Variants in CRYBG1 observed in about 807,000 individuals in gnomAD.
The protein encoded by CRYBG1 is crystallin beta-gamma domain containing 1.
CRYBG1 carries 139 observed loss-of-function variants against 189.2 expected under a neutral mutation model. The ratio of observed to expected loss-of-function variants is 0.73; its 90% confidence interval spans 0.64 to 0.85. The LOEUF is 0.85. CRYBG1 is among the 40% of genes least tolerant of loss of function. The pLI, the probability that CRYBG1 is intolerant of heterozygous loss-of-function variation, is 0.00. For synonymous variants in CRYBG1, 1,023 were observed against 1,017.1 expected (o/e 1.01, Z -0.11); for missense variants, 2,611 against 2,675.8 (o/e 0.98, Z 0.53).
Position 106,512,188 on chromosome 6 carries a change from C to T in CRYBG1, c.1071C>T (p.Ser357=). The T allele has an allele frequency of 6.5e-7, 1 of 1,535,432 alleles. No individual in the cohort carries two copies. Among genetic ancestry groups the T allele is most frequent in the Non-Finnish European group, 8.7e-7 (1 of 1,146,426 alleles). The change falls in exon 3 of 22, where the codon TCC becomes TCT. Residue 357 remains serine (S), a synonymous_variant. Coordinates refer to ENST00000633556, the MANE Select transcript of CRYBG1 (RefSeq NM_001371242.2). ...AGGGCGCAGCGCACACGGCCAGCTCCGCGCAGGCAGACTGCACAGCCCGCC... is the reference window on the plus strand; with the variant it reads ...AGGGCGCAGCGCACACGGCCAGCTCTGCGCAGGCAGACTGCACAGCCCGCC... ...PAEGAAHTAS[S]AQADCTARPK... is the part of the protein sequence containing the mutation.
chr6:106,432,709 G>A (rs115222525), intron 1 of CRYBG1, among the ~76,000 whole-genome samples: 1,762 of 152,264 alleles, frequency 0.012, 23 homozygotes, highest in African/African-American at 0.04. Context: ...GTGCACCTCC[G>A]CCTGTCCTCC....
At chr6:106,509,021 T>C (rs783404) in intron 2 of CRYBG1, among the ~76,000 whole-genome samples, 20,029 of 152,168 alleles carry the variant, frequency 0.13, 1,872 homozygotes, top group African/African-American at 0.27. Context: ...TGCAACATCA[T>C]TGGCAGGACA....
intron 2 of CRYBG1, among the ~76,000 whole-genome samples, chr6:106,475,324 G>A (rs1206576067): frequency 1.3e-5 from 2 of 151,974 alleles, no homozygotes; most frequent in Non-Finnish European, 2.9e-5. Context: ...CGAATGGGAG[G>A]GTAAGACAAA....
intron 2 of CRYBG1, among the ~76,000 whole-genome samples, chr6:106,483,065 GT>G (rs1772504311): frequency 1.3e-5 from 2 of 152,166 alleles, no homozygotes; most frequent in Admixed American, 6.5e-5. Flanking sequence ...TTACTGTGAT[GT>G]TATAGAAAAT....
At chr6:106,468,435 T>C (rs925782954) in intron 2 of CRYBG1, among the ~76,000 whole-genome samples, 14 of 152,304 alleles carry the variant, frequency 9.2e-5, no homozygotes, top group African/African-American at 3.4e-4. Context: ...CCAGGATGAA[T>C]TAAACACTAT....
Position 106,512,033 on chromosome 6 carries a change from G to C in CRYBG1, c.916G>C (p.Ala306Pro). 1 of 1,530,340 alleles carries C rather than the reference G, an allele frequency of 6.5e-7. No individual in the cohort carries two copies. Among genetic ancestry groups the C allele is most frequent in the South Asian group, 1.2e-5 (1 of 83,464 alleles). 94.8% of individuals were successfully genotyped at this position (1,530,340 alleles called of 1,614,324 possible). ...AGGGTCGCCCACCCAGGAGCGGCCC[G>C]CGGGAGGACTAGGCGAGGCCCCTAA... ...APGSPTQERP[A>P]GGLGEAPNGA... Residue 306 changes from alanine (A) to proline (P), a missense_variant, in exon 3 of 22, where the codon GCG becomes CCG. Ala to Pro is a conservative substitution (Grantham distance 27). Transcript: ENST00000633556.
At chr6:106,494,842 T>C (rs983732708) in intron 2 of CRYBG1, among the ~76,000 whole-genome samples, 1 of 152,178 alleles carries the variant, frequency 6.6e-6, no homozygotes, top group Non-Finnish European at 1.5e-5. Context: ...TATTTTTGTT[T>C]TTTAAAAAAG....
intron 2 of CRYBG1, among the ~76,000 whole-genome samples, chr6:106,467,628 GACTA>G (rs1772140605): frequency 1.3e-5 from 2 of 152,030 alleles, no homozygotes; most frequent in Non-Finnish European, 2.9e-5. Context: ...AAAGTTTTAA[GACTA>G]ACAGAGCAGT....
Position 106,515,376 on chromosome 6 carries a change from C to T in CRYBG1, c.1922+2337C>T, listed in dbSNP as rs148272422. Among the ~76,000 whole-genome samples the T allele has an allele frequency of 1.2e-4, 18 of 152,332 alleles. No individual in the cohort carries two copies. The East Asian group carries it at 3.5e-3, about 29-fold the overall frequency. ...AGAAAGTTTGGTTGTAAAATTTATTCTGATCTTCGTGTAAATCTTTAATGT... is the reference window on the plus strand; with the variant it reads ...AGAAAGTTTGGTTGTAAAATTTATTTTGATCTTCGTGTAAATCTTTAATGT... On this transcript the variant is annotated intron_variant, in intron 3 of 21. Transcript: ENST00000633556.
At chr6:106,396,747 T>C (rs1163342165) in intron 1 of CRYBG1, among the ~76,000 whole-genome samples, 1 of 152,232 alleles carries the variant, frequency 6.6e-6, no homozygotes, top group Non-Finnish European at 1.5e-5. Flanking sequence ...AGTGGCATGA[T>C]CTCTGCTCAC....
chr6:106,568,876 G>GTGTA lies in CRYBG1; in HGVS notation c.*311_*314dup, dbSNP rs1360665276. On this transcript the variant is annotated 3_prime_UTR_variant, in exon 22 of 22. Transcript: ENST00000633556. ...AATGTTATATCAAGATTTCAAGACT[G>GTGTA]TGTACATTTTAAATTATTTCCAAAG... 1 of 249,898 alleles carries GTGTA rather than the reference G, an allele frequency of 4.0e-6. No homozygotes were observed. The highest frequency in any genetic ancestry group is 8.1e-5 in the East Asian group (1 of 12,282). The allele number at this position is 249,898 out of a possible 1,614,324, so 15.5% of individuals were successfully genotyped here. A position where few individuals can be genotyped will look rare whatever the true frequency, so the allele number is the denominator to read the frequency against.
In CRYBG1 at chr6:106,519,689, A is replaced by T. The variant is rs184610787; in HGVS notation, c.2481A>T (p.Val827=). The change falls in exon 4 of 22, where the codon GTA becomes GTT. Residue 827 remains valine (V), a synonymous_variant. Coordinates refer to ENST00000633556, the MANE Select transcript of CRYBG1 (RefSeq NM_001371242.2). ...DSEAADSKSL[V]LENVTDTAQD... ...AGGCTGCAGACAGCAAAAGCCTTGT[A>T]CTTGAAAATGTAACCGATACAGCAC... is the stretch of plus-strand genomic sequence containing the variant. 868 of 1,614,198 alleles carry T rather than the reference A, an allele frequency of 5.4e-4. 9 individuals are homozygous for T. The Middle Eastern group carries it at 5.8e-3, about 11-fold the overall frequency.
intron 1 of CRYBG1, among the ~76,000 whole-genome samples, chr6:106,399,658 C>CTTT (rs34726734): frequency 2.1e-4 from 29 of 140,316 alleles, no homozygotes; most frequent in African/African-American, 5.8e-4. Flanking sequence ...GTTTTTCTTT[C>CTTT]TTTTTTTTTT....
Position 106,519,819 on chromosome 6 carries a change from G to C in CRYBG1, c.2611G>C (p.Gly871Arg). The C allele has an allele frequency of 1.9e-6, 3 of 1,614,142 alleles. No individual in the cohort carries two copies. The highest frequency in any genetic ancestry group is 1.7e-6 in the Non-Finnish European group (2 of 1,180,034). Residue 871 changes from glycine to arginine, a missense_variant, in exon 4 of 22, where the codon GGG becomes CGG. By Grantham distance (125) the Gly-to-Arg change is moderately radical. Coordinates refer to ENST00000633556, the MANE Select transcript of CRYBG1 (RefSeq NM_001371242.2). ...ACAGTCCCCTGCTGAGTCATCTCCT[G>C]GGCCTTCTCTTTCACTGTCTGCACC... is the stretch of plus-strand genomic sequence containing the variant. ...DSQSPAESSP[G>R]PSLSLSAPAP... is the part of the protein sequence containing the mutation.
In CRYBG1 at chr6:106,521,043, T is replaced by A. The variant is rs1455256335; in HGVS notation, c.3835T>A (p.Ser1279Thr). 6.2e-7 allele frequency: 1 copy of A among 1,614,208 alleles called. No individual in the cohort carries two copies. The highest frequency in any genetic ancestry group is 8.5e-7 in the Non-Finnish European group (1 of 1,180,028). ...CAGTACTTCTCAGAACGGTTCCCTA[T>A]CTCAGTCTTCAGTGTCACAGCCCAC... The part of the protein sequence containing the change: ...AFSTSQNGSL[S>T]QSSVSQPTTE... Residue 1279 changes from serine (S) to threonine (T), a missense_variant, in exon 4 of 22, where the codon TCT becomes ACT. By Grantham distance (58) the Ser-to-Thr change is moderately conservative (BLOSUM62 1). Coordinates refer to ENST00000633556, the MANE Select transcript of CRYBG1 (RefSeq NM_001371242.2).
chr6:106,498,100 T>TAA (rs11295015), intron 2 of CRYBG1, among the ~76,000 whole-genome samples: 10 of 123,358 alleles, frequency 8.1e-5, no homozygotes, highest in Non-Finnish European at 1.4e-4. Flanking sequence ...GACTCCGTCT[T>TAA]AAAAAAAAAA....
intron 2 of CRYBG1, among the ~76,000 whole-genome samples, chr6:106,477,587 T>C (rs1271018092): frequency 6.6e-6 from 1 of 152,198 alleles, no homozygotes; most frequent in Non-Finnish European, 1.5e-5. Context: ...TTAAACTTCA[T>C]GTATTTGAGC....
chr6:106,533,771 G>A (rs151229959), intron 8 of CRYBG1, among the ~76,000 whole-genome samples: 1 of 152,322 alleles, frequency 6.6e-6, no homozygotes, highest in African/African-American at 2.4e-5. Context: ...CAGGAGCTCA[G>A]TTTTGGACAG....
chr6:106,415,320 T>G (rs1771001309), intron 1 of CRYBG1, among the ~76,000 whole-genome samples: 1 of 152,234 alleles, frequency 6.6e-6, no homozygotes, highest in Non-Finnish European at 1.5e-5. Flanking sequence ...CTTTAATAAG[T>G]CTGTTTATAT....
Sources: allele counts gnomAD v4.1 joint callset (sites outside exome capture counted in the v4.1 genomes callset), GRCh38; gene constraint gnomAD v4.1.1; transcripts MANE v1.5; gene names NCBI Gene and HGNC (gene_info 2026-07-23, HGNC 2026-07-21).